Variants in TMEM132D observed in about 807,000 individuals in gnomAD.
TMEM132D encodes mature OL transmembrane protein.
Under a neutral mutation model 62.3 loss-of-function variants are expected in TMEM132D, and 21 were observed. The observed-to-expected ratio is 0.34, with a 90% CI of 0.24 to 0.49. The LOEUF is 0.49. Ranked by LOEUF, TMEM132D falls within the 20% of genes least tolerant of loss-of-function variation. The probability of loss-of-function intolerance (pLI) is 0.99; values close to 1 mark genes in which losing one functional copy is unlikely to be tolerated. For synonymous variants in TMEM132D, 621 were observed against 575.6 expected (o/e 1.08, Z -1.13); for missense variants, 1,346 against 1,402.8 (o/e 0.96, Z 0.65).
At chr12:129,788,176 G>A (rs564179462) in intron 1 of TMEM132D, among the ~76,000 whole-genome samples, 148 of 152,318 alleles carry the variant, frequency 9.7e-4, no homozygotes, top group Middle Eastern at 3.4e-3. Flanking sequence ...GGGTGAAAAG[G>A]AGTATTGTTG....
At chr12:129,288,675 G>A (rs1881368029) in intron 4 of TMEM132D, among the ~76,000 whole-genome samples, 1 of 152,210 alleles carries the variant, frequency 6.6e-6, no homozygotes, top group Non-Finnish European at 1.5e-5. Flanking sequence ...TGGTGCAGCT[G>A]CTATGCAAAA....
intron 2 of TMEM132D, among the ~76,000 whole-genome samples, chr12:129,608,984 A>T (rs1878698219): frequency 6.9e-6 from 1 of 144,380 alleles, no homozygotes; most frequent in Non-Finnish European, 1.5e-5. Context: ...TCTGTCACCC[A>T]GGCTGGAGTG....
intron 1 of TMEM132D, among the ~76,000 whole-genome samples, chr12:129,879,672 A>G (rs971173298): frequency 6.6e-6 from 1 of 152,212 alleles, no homozygotes; most frequent in Non-Finnish European, 1.5e-5. Context: ...AAATGCCAAC[A>G]GAAATGCTAG....
intron 2 of TMEM132D, among the ~76,000 whole-genome samples, chr12:129,539,452 T>G (rs1420302280): frequency 5.5e-5 from 8 of 146,192 alleles, no homozygotes; most frequent in Non-Finnish European, 3.0e-5. Context: ...TCACCCAGAC[T>G]GGAGTGCAAT....
chr12:129,431,250 A>C (rs1427344673), intron 3 of TMEM132D, among the ~76,000 whole-genome samples: 1 of 152,206 alleles, frequency 6.6e-6, no homozygotes, highest in Non-Finnish European at 1.5e-5. Context: ...CGACAGTTCC[A>C]GCAGCTAAGC....
intron 5 of TMEM132D, among the ~76,000 whole-genome samples, chr12:129,096,476 G>A (rs764869418): frequency 1.3e-5 from 2 of 152,132 alleles, no homozygotes; most frequent in Non-Finnish European, 2.9e-5. Context: ...GCAAAGACTG[G>A]GTGTTCAGGG....
chr12:129,423,025 C>A (rs539487966), intron 3 of TMEM132D, among the ~76,000 whole-genome samples: 3 of 151,674 alleles, frequency 2.0e-5, no homozygotes, highest in African/African-American at 7.2e-5. Context: ...GTCTTCACTG[C>A]CTCATCAGAG....
chr12:129,552,949 G>A (rs11060430), intron 2 of TMEM132D, among the ~76,000 whole-genome samples: 27,912 of 151,996 alleles, frequency 0.18, 3,270 homozygotes, highest in Non-Finnish European at 0.25. Context: ...GGCATTTAAG[G>A]TCATCCACGG....
At chr12:129,715,400 G>C (rs1292556377) in intron 1 of TMEM132D, among the ~76,000 whole-genome samples, 2 of 152,182 alleles carry the variant, frequency 1.3e-5, no homozygotes, top group Non-Finnish European at 2.9e-5. Context: ...GTTCAGAGGA[G>C]AGTTTATTTA....
chr12:129,081,196 C>T (rs534178051), intron 7 of TMEM132D, among the ~76,000 whole-genome samples: 1 of 152,356 alleles, frequency 6.6e-6, no homozygotes, highest in South Asian at 2.1e-4. Flanking sequence ...TGGGCAAAAT[C>T]ATGTGTTTCA....
At chr12:129,201,654 G>A (rs1296004116) in intron 5 of TMEM132D, among the ~76,000 whole-genome samples, 1 of 152,152 alleles carries the variant, frequency 6.6e-6, no homozygotes, top group African/African-American at 2.4e-5. Context: ...TTTTCTATTG[G>A]ATGTGAACCA....
At chr12:129,334,282 G>A (rs1356990060) in intron 4 of TMEM132D, among the ~76,000 whole-genome samples, 4 of 148,658 alleles carry the variant, frequency 2.7e-5, no homozygotes, top group Admixed American at 6.6e-5. Context: ...CCATCAACAC[G>A]GAATGTTAAA....
chr12:129,407,628 C>T (rs529445074), intron 3 of TMEM132D, among the ~76,000 whole-genome samples: 3 of 152,150 alleles, frequency 2.0e-5, no homozygotes, highest in South Asian at 4.2e-4. Flanking sequence ...TAATTTTGGC[C>T]GGGCATGGTG....
intron 3 of TMEM132D, among the ~76,000 whole-genome samples, chr12:129,434,503 C>T (rs1872738210): frequency 6.6e-6 from 1 of 152,074 alleles, no homozygotes; most frequent in Non-Finnish European, 1.5e-5. Flanking sequence ...TAAAACACAG[C>T]CTGACAACAG....
At chr12:129,107,188 CAA>C (rs1391444191) in intron 5 of TMEM132D, among the ~76,000 whole-genome samples, 1 of 152,134 alleles carries the variant, frequency 6.6e-6, no homozygotes, top group Non-Finnish European at 1.5e-5. Flanking sequence ...GAAACCATAA[CAA>C]GAGAAAAACA....
intron 2 of TMEM132D, among the ~76,000 whole-genome samples, chr12:129,685,961 G>T (rs1044097633): frequency 6.6e-6 from 1 of 152,164 alleles, no homozygotes; most frequent in Non-Finnish European, 1.5e-5. Context: ...CTCCCATTTG[G>T]AACAGGTGTA....
intron 2 of TMEM132D, among the ~76,000 whole-genome samples, chr12:129,589,867 C>T (rs1878142072): frequency 6.6e-6 from 1 of 152,194 alleles, no homozygotes; most frequent in African/African-American, 2.4e-5. Flanking sequence ...AAATAGATTT[C>T]ATCTCCTGGA....
rs1185113984 is a variant in TMEM132D at position 129,277,390 on chromosome 12, C to T, written c.1299+60244G>A. Among the ~76,000 whole-genome samples the T allele has an allele frequency of 2.6e-5, 4 of 152,124 alleles. No homozygotes were observed. Among genetic ancestry groups the T allele is most frequent in the African/African-American group, 9.7e-5 (4 of 41,412 alleles). ...TCACACAGAGATCTACTCTTACTGC[C>T]ACAAAGAATTTCAATATTAAATTTG... On this transcript the variant is annotated intron_variant, in intron 4 of 8. Transcript: ENST00000422113. This position sits in a 1 kb window ranked among gnomAD's most constrained non-coding sequence, Gnocchi z 4.2.
intron 5 of TMEM132D, among the ~76,000 whole-genome samples, chr12:129,088,590 G>A (rs1472443773): frequency 2.0e-5 from 1 of 49,658 alleles, no homozygotes; most frequent in Non-Finnish European, 3.6e-5. Flanking sequence ...CCATGACCGG[G>A]GTGTCCTCCA....
Sources: gnomAD v4.1 joint callset for allele counts (sites outside exome capture counted in the v4.1 genomes callset) on GRCh38, gnomAD v4.1.1 for gene constraint, Gnocchi (gnomAD v3.1) non-coding constraint, MANE v1.5 for transcripts, NCBI Gene and HGNC (gene_info 2026-07-23, HGNC 2026-07-21) for gene names.